Variants in TTC39B observed in about 807,000 individuals in gnomAD.
The protein encoded by TTC39B is tetratricopeptide repeat domain 39B.
In TTC39B, 92 loss-of-function variants were observed where a neutral mutation model predicts 96.6. The observed-to-expected ratio is 0.95, with a 90% CI of 0.80 to 1.13. TTC39B has a LOEUF of 1.13. Among genes scored for constraint, TTC39B ranks in the 50% most tolerant of loss-of-function variants. The pLI is 0.00. For missense variants in TTC39B, 955 were observed against 809.3 expected, an observed-to-expected ratio of 1.18 and a Z score of -2.18; for synonymous variants, 367 against 299.4, an observed-to-expected ratio of 1.23 and a Z score of -2.33.
intron 2 of TTC39B, among the ~76,000 whole-genome samples, chr9:15,257,917 G>A (rs1213258501): frequency 1.3e-5 from 2 of 152,038 alleles, no homozygotes; most frequent in Non-Finnish European, 2.9e-5. Flanking sequence ...AAATTAGCCG[G>A]GCACGGTGGC....
intron 8 of TTC39B, 42 bp downstream of exon 8, chr9:15,199,819 G>GCA: frequency 1.0e-6 from 1 of 997,686 alleles, no homozygotes; most frequent in South Asian, 1.4e-5. Context: ...GGAGTACACA[G>GCA]CACAAAATTA....
chr9:15,271,691 T>C (rs56362643), intron 1 of TTC39B, among the ~76,000 whole-genome samples: 5,115 of 152,240 alleles, frequency 0.034, 276 homozygotes, highest in African/African-American at 0.12. Flanking sequence ...AGTCCACGGC[T>C]CAGGCATTGG....
At chr9:15,195,798 C>G (rs1819132740) in intron 8 of TTC39B, among the ~76,000 whole-genome samples, 1 of 151,496 alleles carries the variant, frequency 6.6e-6, no homozygotes, top group South Asian at 2.1e-4. Flanking sequence ...AACAAATTTT[C>G]AATGTAGACA....
At chr9:15,227,016 T>A (rs1821158827) in intron 2 of TTC39B, among the ~76,000 whole-genome samples, 2 of 152,192 alleles carry the variant, frequency 1.3e-5, no homozygotes, top group Admixed American at 1.3e-4. Context: ...TTTTTAATTC[T>A]AAGATGTACA....
intron 17 of TTC39B, among the ~76,000 whole-genome samples, chr9:15,180,479 G>C (rs2118585947): frequency 6.6e-6 from 1 of 152,220 alleles, no homozygotes. Flanking sequence ...TGTATCAATG[G>C]CCAGCATTTA....
intron 2 of TTC39B, 24 bp from the exon 3 acceptor site, chr9:15,226,036 A>C (rs1821105661): frequency 6.2e-7 from 1 of 1,607,558 alleles, no homozygotes; most frequent in Non-Finnish European, 8.5e-7. Flanking sequence ...AGGCAGAGCA[A>C]GGTTTTTTAT....
Position 15,172,054 on chromosome 9 carries a change from CT to C in TTC39B, c.2013del (p.Ala672LeufsTer35), listed in dbSNP as rs773915753. 7 of 1,612,870 alleles carry C rather than the reference CT, an allele frequency of 4.3e-6. No homozygotes were observed. Among genetic ancestry groups the C allele is most frequent in the Non-Finnish European group, 5.1e-6 (6 of 1,179,146 alleles). The stretch of plus-strand genomic sequence containing the variant: ...GAAGGTTTTCTCCAGAGGTGAAGAG[CT>C]GCCTGAATTCTGAAGTGTAGTCTGG... On this transcript the variant is annotated frameshift_variant, in exon 20 of 20. Transcript: ENST00000512701. LOFTEE classifies it high-confidence loss of function.
intron 1 of TTC39B, among the ~76,000 whole-genome samples, chr9:15,300,519 C>T (rs1256974270): frequency 1.3e-5 from 2 of 152,246 alleles, no homozygotes. Context: ...GCCACCTCCA[C>T]ATCCTGGCTT....
At chr9:15,203,441 A>G (rs1305104291) in intron 7 of TTC39B, among the ~76,000 whole-genome samples, 1 of 142,248 alleles carries the variant, frequency 7.0e-6, no homozygotes, top group South Asian at 2.2e-4. Flanking sequence ...TTGTATTTTC[A>G]GTAGAGACAG....
intron 2 of TTC39B, among the ~76,000 whole-genome samples, chr9:15,248,120 A>T (rs913593251): frequency 1.3e-5 from 2 of 152,230 alleles, no homozygotes; most frequent in Non-Finnish European, 2.9e-5. Context: ...CCTGGCACAT[A>T]AGACATTTTA....
chr9:15,229,068 A>C (rs1297382439), intron 2 of TTC39B, among the ~76,000 whole-genome samples: 1 of 152,258 alleles, frequency 6.6e-6, no homozygotes, highest in Non-Finnish European at 1.5e-5. Context: ...AGATATAGAC[A>C]TAACCCATTT....
intron 2 of TTC39B, among the ~76,000 whole-genome samples, chr9:15,253,437 A>G (rs1822637640): frequency 6.6e-6 from 1 of 152,216 alleles, no homozygotes; most frequent in South Asian, 2.1e-4. Flanking sequence ...AAGGAAATGG[A>G]TTCTCCTCTA....
At chr9:15,197,825 G>C (rs1819262480) in intron 8 of TTC39B, among the ~76,000 whole-genome samples, 1 of 151,252 alleles carries the variant, frequency 6.6e-6, no homozygotes, top group Non-Finnish European at 1.5e-5. Context: ...AATACAATAG[G>C]ACGCCAGTTT....
intron 1 of TTC39B, among the ~76,000 whole-genome samples, chr9:15,270,718 T>A (rs1221046352): frequency 6.6e-6 from 1 of 150,824 alleles, no homozygotes; most frequent in African/African-American, 2.4e-5. Context: ...ATGGACAGTA[T>A]AGTAAGACCC....
chr9:15,205,767 G>C (rs1381453194), intron 6 of TTC39B, among the ~76,000 whole-genome samples: 4 of 152,014 alleles, frequency 2.6e-5, no homozygotes, highest in Non-Finnish European at 5.9e-5. Context: ...CAGGAATACA[G>C]ATTGCTGGCT....
intron 3 of TTC39B, among the ~76,000 whole-genome samples, chr9:15,225,134 G>C (rs573257696): frequency 6.6e-6 from 1 of 152,040 alleles, no homozygotes; most frequent in East Asian, 1.9e-4. Flanking sequence ...AAATGATCTG[G>C]AAAGGAACAA....
chr9:15,231,717 T>C (rs775884763), intron 2 of TTC39B, among the ~76,000 whole-genome samples: 2 of 152,218 alleles, frequency 1.3e-5, no homozygotes, highest in African/African-American at 4.8e-5. Flanking sequence ...ACACAATATG[T>C]TATGTTCCTG....
At chr9:15,183,084 G>A (rs10121170) in intron 16 of TTC39B, among the ~76,000 whole-genome samples, 91,717 of 151,888 alleles carry the variant, frequency 0.6, 28,113 homozygotes, top group East Asian at 0.91. Flanking sequence ...AGTGCAGTTC[G>A]TATTTTGAAG....
intron 17 of TTC39B, among the ~76,000 whole-genome samples, chr9:15,181,715 T>C (rs1189120871): frequency 2.0e-5 from 3 of 152,206 alleles, no homozygotes; most frequent in Non-Finnish European, 1.5e-5. Context: ...TAAGGAGGCA[T>C]AGAAAGAGTC....
Sources: allele counts gnomAD v4.1 joint callset (sites outside exome capture counted in the v4.1 genomes callset), GRCh38; gene constraint gnomAD v4.1.1; transcripts MANE v1.5; gene names NCBI Gene and HGNC (gene_info 2026-07-23, HGNC 2026-07-21).